KIAA1549L: variants seen among roughly 807,000 people sequenced by gnomAD.
The protein encoded by KIAA1549L is KIAA1549 like, also known as UPF0606 protein KIAA1549L.
KIAA1549L carries 88 observed loss-of-function variants against 160.7 expected under a neutral mutation model. The ratio of observed to expected loss-of-function variants is 0.55; its 90% CI spans 0.46 to 0.65. The LOEUF is 0.65. Among genes scored for constraint, KIAA1549L ranks in the 30% least tolerant of loss-of-function variants. KIAA1549L has a pLI of 0.00. For synonymous variants in KIAA1549L, 950 were observed against 976.7 expected (o/e 0.97, Z 0.51); for missense variants, 2,258 against 2,437.5 (o/e 0.93, Z 1.55).
At chr11:33,562,678 CTTTT>C (rs35756207) in intron 8 of KIAA1549L, among the ~76,000 whole-genome samples, 4 of 134,026 alleles carry the variant, frequency 3.0e-5, no homozygotes, top group African/African-American at 2.8e-5. Context: ...TTCATTTCCT[CTTTT>C]TTTTTTTTTT....
At chr11:33,402,038 C>T (rs752051823) in intron 1 of KIAA1549L, among the ~76,000 whole-genome samples, 1 of 152,168 alleles carries the variant, frequency 6.6e-6, no homozygotes. Context: ...TATGTTCTAG[C>T]CTTCTCGTCT....
intron 9 of KIAA1549L, among the ~76,000 whole-genome samples, chr11:33,570,975 C>A (rs527497527): frequency 3.9e-5 from 6 of 152,080 alleles, no homozygotes; most frequent in African/African-American, 1.2e-4. Context: ...CTTAGATGAT[C>A]ACAAACTGAC....
At chr11:33,481,496 T>C (rs1852410882) in intron 1 of KIAA1549L, among the ~76,000 whole-genome samples, 1 of 152,252 alleles carries the variant, frequency 6.6e-6, no homozygotes. Flanking sequence ...GTGCAATAAA[T>C]CATTTTTTAT....
chr11:33,377,578 G>A (rs1267598528), intron 1 of KIAA1549L, among the ~76,000 whole-genome samples: 1 of 152,128 alleles, frequency 6.6e-6, no homozygotes, highest in Admixed American at 6.5e-5. Flanking sequence ...TGCTAAGTGT[G>A]CTTCAAAACT....
At chr11:33,519,293 C>T (rs1281383171) in intron 1 of KIAA1549L, among the ~76,000 whole-genome samples, 1 of 152,028 alleles carries the variant, frequency 6.6e-6, no homozygotes. Context: ...TTAAGGAAGA[C>T]TCTATAATAG....
At chr11:33,627,694 T>C (rs1466832553) in intron 16 of KIAA1549L, among the ~76,000 whole-genome samples, 2 of 152,218 alleles carry the variant, frequency 1.3e-5, no homozygotes, top group Admixed American at 1.3e-4. Flanking sequence ...GTCTTGCTAA[T>C]AAACAAAATC....
chr11:33,639,795 C>T (rs147300129), intron 16 of KIAA1549L, among the ~76,000 whole-genome samples: 6,633 of 152,280 alleles, frequency 0.044, 235 homozygotes, highest in East Asian at 0.19. Flanking sequence ...CCGCCTTGGC[C>T]TCCCAAAGTG....
chr11:33,431,764 G>A (rs986746292), intron 1 of KIAA1549L, among the ~76,000 whole-genome samples: 25 of 152,384 alleles, frequency 1.6e-4, no homozygotes, highest in African/African-American at 5.8e-4. Context: ...GCCCTTGGGT[G>A]GTCGATGGGA....
At chr11:33,445,666 C>T (rs1323629) in intron 1 of KIAA1549L, among the ~76,000 whole-genome samples, 9,106 of 152,238 alleles carry the variant, frequency 0.06, 917 homozygotes, top group African/African-American at 0.21. Flanking sequence ...CTGTTACTTG[C>T]GGTGTGACCT....
chr11:33,645,799 G>A lies in KIAA1549L; in HGVS notation c.5523G>A (p.Gln1841=), dbSNP rs779262824. Residue 1841 remains glutamine (Q), a synonymous_variant, in exon 17 of 21, where the codon CAG becomes CAA. Transcript: ENST00000658780. ...CGGAGACCTCCACACTGAGCTCCCAGCCATCCATCGACGAGGTCAGGCAGC... is the reference window on the plus strand; with the variant it reads ...CGGAGACCTCCACACTGAGCTCCCAACCATCCATCGACGAGGTCAGGCAGC... ...GHSETSTLSS[Q]PSIDEVRQQM... The A allele has an allele frequency of 3.1e-6, 5 of 1,613,948 alleles. No individual in the cohort carries two copies. Among genetic ancestry groups the A allele is most frequent in the Non-Finnish European group, 4.2e-6 (5 of 1,179,888 alleles).
At chr11:33,630,214 A>C (rs1851241283) in intron 16 of KIAA1549L, among the ~76,000 whole-genome samples, 1 of 152,124 alleles carries the variant, frequency 6.6e-6, no homozygotes, top group Non-Finnish European at 1.5e-5. Flanking sequence ...AAGTCTGCAG[A>C]GGTTACTGCT....
intron 10 of KIAA1549L, among the ~76,000 whole-genome samples, chr11:33,576,603 A>G (rs956914277): frequency 1.3e-5 from 2 of 152,204 alleles, no homozygotes; most frequent in African/African-American, 4.8e-5. Flanking sequence ...TGTCCAGGCG[A>G]GAGCTGAAGG....
intron 16 of KIAA1549L, among the ~76,000 whole-genome samples, chr11:33,633,908 A>T (rs1453721573): frequency 6.6e-6 from 1 of 152,226 alleles, no homozygotes; most frequent in Non-Finnish European, 1.5e-5. Flanking sequence ...GATGTTGTGG[A>T]AATTAAATGA....
At chr11:33,471,263 A>G (rs539665816) in intron 1 of KIAA1549L, among the ~76,000 whole-genome samples, 9 of 147,114 alleles carry the variant, frequency 6.1e-5, no homozygotes, top group Admixed American at 3.4e-4. Context: ...ATCCCAGCCC[A>G]GCATCTTCCC....
At chr11:33,628,026 C>T (rs906102537) in intron 16 of KIAA1549L, among the ~76,000 whole-genome samples, 2 of 152,112 alleles carry the variant, frequency 1.3e-5, no homozygotes, top group African/African-American at 2.4e-5. Context: ...TTTATTTCTG[C>T]CTTCATTCGT....
At chr11:33,390,891 C>G (rs144370171) in intron 1 of KIAA1549L, among the ~76,000 whole-genome samples, 3 of 152,320 alleles carry the variant, frequency 2.0e-5, no homozygotes, top group African/African-American at 7.2e-5. Flanking sequence ...TCAACTGGCT[C>G]AGCTCTGATG....
At chr11:33,573,645 A>G (rs1266548245) in intron 9 of KIAA1549L, among the ~76,000 whole-genome samples, 2 of 152,164 alleles carry the variant, frequency 1.3e-5, no homozygotes, top group African/African-American at 4.8e-5. Context: ...AAGTCTTTTA[A>G]TATCCTGTGA....
chr11:33,396,320 A>G (rs929532200), intron 1 of KIAA1549L, among the ~76,000 whole-genome samples: 7 of 152,208 alleles, frequency 4.6e-5, no homozygotes, highest in Non-Finnish European at 1.0e-4. Flanking sequence ...CCCTTTTGCC[A>G]GAAAAATATC....
At chr11:33,482,538 G>A (rs1020121834) in intron 1 of KIAA1549L, among the ~76,000 whole-genome samples, 4 of 147,750 alleles carry the variant, frequency 2.7e-5, no homozygotes, top group Admixed American at 6.8e-5. Flanking sequence ...ACAATTACGT[G>A]TATCTAAGAG....
Sources: allele counts gnomAD v4.1 joint callset (sites outside exome capture counted in the v4.1 genomes callset), GRCh38; gene constraint gnomAD v4.1.1; transcripts MANE v1.5; gene names NCBI Gene and HGNC (gene_info 2026-07-23, HGNC 2026-07-21).